UTRN: variants seen among roughly 807,000 people sequenced by gnomAD.
UTRN encodes the protein dystrophin-related protein 1.
In UTRN, 283 loss-of-function variants were observed where a neutral mutation model predicts 463.9. The observed-to-expected ratio is 0.61, with a 90% CI of 0.55 to 0.67. UTRN has a LOEUF of 0.67. Among genes scored for constraint, UTRN ranks in the 30% least tolerant of loss-of-function variants. The pLI is 0.00. For synonymous variants in UTRN, 1,442 were observed against 1,431.5 expected (o/e 1.01, Z -0.17); for missense variants, 3,922 against 4,084.3 (o/e 0.96, Z 1.08).
At chr6:144,605,347 G>A (rs563117679) in intron 51 of UTRN, among the ~76,000 whole-genome samples, 1 of 152,136 alleles carries the variant, frequency 6.6e-6, no homozygotes, top group East Asian at 1.9e-4. Flanking sequence ...TCCAGCATTG[G>A]CATATAATAG....
chr6:144,841,595 G>A (rs994826749), intron 73 of UTRN, among the ~76,000 whole-genome samples: 2 of 151,956 alleles, frequency 1.3e-5, no homozygotes, highest in Admixed American at 1.3e-4. Flanking sequence ...CTGTATATAT[G>A]TATACATATA....
Position 144,846,353 on chromosome 6 carries a change from C to T in UTRN, c.10271-452C>T, listed in dbSNP as rs139904988. On this transcript the variant is annotated intron_variant, in intron 73 of 74. Coordinates refer to ENST00000367545, the MANE Select transcript of UTRN (RefSeq NM_007124.3). ...ATGCAAGTACTTGGCCACCATTTTC[C>T]TGGGCGTTAGGGTCCAGGGTGTGTC... 5.9e-3 allele frequency among the ~76,000 whole-genome samples: 897 copies of T among 152,292 alleles called. 5 individuals are homozygous for T. The highest frequency in any genetic ancestry group is 8.9e-3 in the Non-Finnish European group (608 of 68,008).
Position 144,678,571 on chromosome 6 carries a change from A to G in UTRN, c.7645A>G (p.Ser2549Gly). ...RWNDLKAKSA[S>G]IRAHLEASAE... ...GAATGACTTAAAAGCAAAATCTGCT[A>G]GCATCAGGTCAGAATAGTCAATATC... The change falls in exon 52 of 75, where the codon AGC (serine) becomes GGC (glycine). Residue 2549 changes from serine to glycine, a missense_variant. Around this residue, in one of 3 missense-constraint regions of UTRN, gnomAD observed 1,309 missense variants for 1,452.6 expected, o/e 0.90. Transcript: ENST00000367545. The G allele has an allele frequency of 1.2e-6, 2 of 1,610,150 alleles. No individual in the cohort carries two copies. The highest frequency in any genetic ancestry group is 8.5e-7 in the Non-Finnish European group (1 of 1,177,684).
chr6:144,448,296 T>C (rs1391292247), intron 16 of UTRN, among the ~76,000 whole-genome samples: 2 of 152,180 alleles, frequency 1.3e-5, no homozygotes, highest in African/African-American at 4.8e-5. Flanking sequence ...AATCGCAAGA[T>C]TATATACGCT....
At chr6:144,667,729 T>C (rs942776350) in intron 51 of UTRN, among the ~76,000 whole-genome samples, 4 of 152,156 alleles carry the variant, frequency 2.6e-5, no homozygotes, top group African/African-American at 4.8e-5. Context: ...TCAGCGGAAC[T>C]TCCCTTTTTC....
intron 54 of UTRN, among the ~76,000 whole-genome samples, chr6:144,735,761 T>C (rs978690798): frequency 1.3e-4 from 20 of 152,148 alleles, no homozygotes; most frequent in African/African-American, 4.6e-4. Context: ...TGGACTCTTC[T>C]CAGTGGTCAG....
At chr6:144,522,336 T>G (rs566593994) in intron 40 of UTRN, among the ~76,000 whole-genome samples, 165 bp downstream of exon 40, 1 of 152,194 alleles carries the variant, frequency 6.6e-6, no homozygotes, top group African/African-American at 2.4e-5. Flanking sequence ...AAAGAAAATA[T>G]ATTAAATTTT....
At chr6:144,425,869 C>T (rs895128803) in intron 6 of UTRN, among the ~76,000 whole-genome samples, 1 of 152,144 alleles carries the variant, frequency 6.6e-6, no homozygotes, top group Non-Finnish European at 1.5e-5. Flanking sequence ...TGATTGCAGT[C>T]AGGAAAGATA....
At chr6:144,790,441 T>C (rs1776662959) in intron 62 of UTRN, among the ~76,000 whole-genome samples, 1 of 152,216 alleles carries the variant, frequency 6.6e-6, no homozygotes, top group Admixed American at 6.5e-5. Context: ...TTTTCTGGGA[T>C]TTCTGTGAGG....
chr6:144,844,221 A>G (rs1004194416), intron 73 of UTRN, among the ~76,000 whole-genome samples: 1 of 152,016 alleles, frequency 6.6e-6, no homozygotes, highest in Non-Finnish European at 1.5e-5. Context: ...CAAAATAGAA[A>G]TCAGCGTGGG....
At chr6:144,573,480 G>A (rs532431708) in intron 50 of UTRN, among the ~76,000 whole-genome samples, 17 of 152,084 alleles carry the variant, frequency 1.1e-4, no homozygotes, top group Non-Finnish European at 1.0e-4. Flanking sequence ...GATCACCTGA[G>A]GTCAAGAGTT....
intron 2 of UTRN, among the ~76,000 whole-genome samples, chr6:144,356,427 A>C (rs1319071287): frequency 6.6e-6 from 1 of 152,196 alleles, no homozygotes; most frequent in Non-Finnish European, 1.5e-5. Flanking sequence ...TCTGGTTGAG[A>C]ACTCCTGATA....
chr6:144,303,412 T>C (rs1805465471), intron 2 of UTRN, among the ~76,000 whole-genome samples: 1 of 152,246 alleles, frequency 6.6e-6, no homozygotes, highest in Non-Finnish European at 1.5e-5. Flanking sequence ...CAATGAGGTA[T>C]GTAGTTTTTC....
At position 144,757,923 on chromosome 6, in the gene UTRN, C is replaced by T. The variant is rs372577005; in HGVS notation, c.8435-6C>T. ...CGTTTCCAATAATCTCCCTTTGTTT[C>T]CTCAGCGTCAGTCCAGCTGCCGTGG... is the stretch of plus-strand genomic sequence containing the variant. On this transcript the variant is annotated splice_polypyrimidine_tract_variant and splice_region_variant and intron_variant, in intron 57 of 74. Coordinates refer to ENST00000367545, the MANE Select transcript of UTRN (RefSeq NM_007124.3). 1.4e-4 allele frequency: 233 copies of T among 1,608,646 alleles called. 1 individual carries two copies. The Middle Eastern group carries it at 5.3e-3, about 37-fold the overall frequency.
intron 73 of UTRN, among the ~76,000 whole-genome samples, chr6:144,841,799 G>C (rs1781596480): frequency 6.6e-6 from 1 of 151,962 alleles, no homozygotes; most frequent in Non-Finnish European, 1.5e-5. Context: ...TTTTACCCTT[G>C]TCTGTCATCT....
chr6:144,474,859 G>A (rs1160210502), intron 25 of UTRN, 100 bp downstream of exon 25: 9 of 1,377,946 alleles, frequency 6.5e-6, no homozygotes, highest in Admixed American at 4.8e-5. Context: ...TTTGAAAAAC[G>A]ATGGTCTAGA....
intron 2 of UTRN, among the ~76,000 whole-genome samples, chr6:144,345,668 G>T (rs187279880): frequency 3.3e-5 from 5 of 152,214 alleles, no homozygotes; most frequent in African/African-American, 1.2e-4. Context: ...GGGATACCTT[G>T]TCTCAAAAAC....
chr6:144,464,588 C>G (rs1789744089), intron 23 of UTRN, among the ~76,000 whole-genome samples: 1 of 151,924 alleles, frequency 6.6e-6, no homozygotes, highest in African/African-American at 2.4e-5. Flanking sequence ...GCAACTTCAG[C>G]CTCCCGGGTT....
intron 23 of UTRN, among the ~76,000 whole-genome samples, chr6:144,469,186 C>T (rs1790251297): frequency 6.6e-6 from 1 of 152,152 alleles, no homozygotes; most frequent in Admixed American, 6.6e-5. Flanking sequence ...TTAATGTTGG[C>T]AGCAATTAAA....
Sources: allele counts gnomAD v4.1 joint callset (sites outside exome capture counted in the v4.1 genomes callset), GRCh38; gene constraint gnomAD v4.1.1; regional missense constraint gnomAD v4.1.1; transcripts MANE v1.5; gene names NCBI Gene and HGNC (gene_info 2026-07-23, HGNC 2026-07-21).